SH3RF3: variants seen among roughly 807,000 people sequenced by gnomAD.
SH3RF3 encodes the protein SH3 domain containing ring finger 3.
SH3RF3 carries 29 observed loss-of-function variants against 66.3 expected under a neutral mutation model. That is an observed-to-expected ratio of 0.44 (90% CI 0.33 to 0.60). The LOEUF is 0.60. Among genes scored for constraint, SH3RF3 ranks in the 20% least tolerant of loss-of-function variants. The probability of loss-of-function intolerance (pLI) is 0.04; values close to 1 mark genes in which losing one functional copy is unlikely to be tolerated. For missense variants in SH3RF3, 1,194 were observed against 1,190.9 expected, an observed-to-expected ratio of 1.00 and a Z score of -0.04; for synonymous variants, 583 against 532.0, an observed-to-expected ratio of 1.10 and a Z score of -1.32.
intron 1 of SH3RF3, among the ~76,000 whole-genome samples, chr2:109,285,251 AG>A (rs1681005153): frequency 6.6e-6 from 1 of 152,230 alleles, no homozygotes; most frequent in Admixed American, 6.5e-5. Flanking sequence ...AGATCCACTC[AG>A]TGTGAAGGGC....
intron 5 of SH3RF3, among the ~76,000 whole-genome samples, chr2:109,424,015 G>A (rs566135203): frequency 5.3e-4 from 81 of 152,324 alleles, no homozygotes; most frequent in Middle Eastern, 6.8e-3. Flanking sequence ...CTGCAGGGCC[G>A]GTTGCAGTGG....
At chr2:109,204,354 G>C (rs56660819) in intron 1 of SH3RF3, among the ~76,000 whole-genome samples, 64,037 of 152,058 alleles carry the variant, frequency 0.42, 15,590 homozygotes, top group East Asian at 0.8. Flanking sequence ...GAGTTAGCAG[G>C]AATCTCCTTA....
chr2:109,348,979 TC>T (rs1682781983), intron 2 of SH3RF3, among the ~76,000 whole-genome samples: 2 of 152,222 alleles, frequency 1.3e-5, no homozygotes, highest in South Asian at 4.1e-4. Context: ...TTCTCTCTCC[TC>T]ACTCGTTCTG....
chr2:109,459,845 G>A (rs977486166), intron 8 of SH3RF3, among the ~76,000 whole-genome samples: 2 of 152,172 alleles, frequency 1.3e-5, no homozygotes, highest in Admixed American at 1.3e-4. Context: ...GTTACTAGGG[G>A]TCATAATAAG....
intron 1 of SH3RF3, among the ~76,000 whole-genome samples, chr2:109,338,432 C>T (rs1055143538): frequency 6.2e-5 from 9 of 145,946 alleles, no homozygotes; most frequent in African/African-American, 2.3e-4. Flanking sequence ...CTTAGGGAAA[C>T]TTTTTTTTTT....
At chr2:109,401,212 C>G (rs913008947) in intron 4 of SH3RF3, among the ~76,000 whole-genome samples, 3 of 152,250 alleles carry the variant, frequency 2.0e-5, no homozygotes, top group Non-Finnish European at 4.4e-5. Flanking sequence ...TGGCCCAGAG[C>G]TGGGGTCCCT....
At chr2:109,334,316 C>G (rs1466137212) in intron 1 of SH3RF3, among the ~76,000 whole-genome samples, 1 of 145,306 alleles carries the variant, frequency 6.9e-6, no homozygotes, top group Non-Finnish European at 1.5e-5. Flanking sequence ...CATGATCACA[C>G]CACTCGACTT....
At chr2:109,453,713 CAGAGTAT>C (rs1331497096) in intron 8 of SH3RF3, among the ~76,000 whole-genome samples, 1 of 152,202 alleles carries the variant, frequency 6.6e-6, no homozygotes, top group Admixed American at 6.5e-5. Flanking sequence ...CTGGAGGAGC[CAGAGTAT>C]AGTACAGGTC....
chr2:109,215,335 A>C (rs1021153043), intron 1 of SH3RF3, among the ~76,000 whole-genome samples: 2 of 152,200 alleles, frequency 1.3e-5, no homozygotes, highest in Non-Finnish European at 2.9e-5. Flanking sequence ...GATTAAAATC[A>C]GGAGAGTTGA....
intron 4 of SH3RF3, among the ~76,000 whole-genome samples, chr2:109,403,323 T>G (rs1336232927): frequency 6.6e-6 from 1 of 152,160 alleles, no homozygotes; most frequent in South Asian, 2.1e-4. Context: ...TCTCACCTCC[T>G]CTGTCCTGGC....
intron 3 of SH3RF3, among the ~76,000 whole-genome samples, chr2:109,375,324 G>A (rs1683355961): frequency 6.6e-6 from 1 of 152,148 alleles, no homozygotes; most frequent in Non-Finnish European, 1.5e-5. Flanking sequence ...ACTCTCCTGC[G>A]GCCGTCCCCA....
chr2:109,396,862 G>C (rs913019563), intron 3 of SH3RF3, among the ~76,000 whole-genome samples: 1 of 152,246 alleles, frequency 6.6e-6, no homozygotes, highest in Non-Finnish European at 1.5e-5. Flanking sequence ...CGGCTCACAT[G>C]GTCCTTCACT....
intron 2 of SH3RF3, among the ~76,000 whole-genome samples, chr2:109,365,691 T>C (rs1410262106): frequency 1.3e-5 from 2 of 152,194 alleles, no homozygotes; most frequent in African/African-American, 4.8e-5. Context: ...CAGACACTGT[T>C]TTATTTCATT....
At chr2:109,410,303 A>G (rs1174126751) in intron 4 of SH3RF3, among the ~76,000 whole-genome samples, 1 of 152,220 alleles carries the variant, frequency 6.6e-6, no homozygotes, top group African/African-American at 2.4e-5. Context: ...GCTGTGTGCC[A>G]TTCACCTGTG....
rs1358955115 is a variant in SH3RF3 at position 109,129,229 on chromosome 2, C to A, written c.-312C>A. The A allele has an allele frequency of 1.1e-5, 6 of 552,446 alleles. No homozygotes were observed. Among genetic ancestry groups the A allele is most frequent in the Non-Finnish European group, 1.3e-5 (4 of 303,586 alleles). 34.2% of individuals were successfully genotyped at this position (552,446 alleles called of 1,614,324 possible). A position where few individuals can be genotyped will look rare whatever the true frequency, so the allele number is the denominator to read the frequency against. ...CACAGAACCCGTTGAGCTTCGTGCC[C>A]GGCAGCACCCCCGGTCCCCCGCGCG... On this transcript the variant is annotated 5_prime_UTR_variant, in exon 1 of 10. Transcript: ENST00000309415.
At chr2:109,155,638 G>A (rs1392005080) in intron 1 of SH3RF3, among the ~76,000 whole-genome samples, 1 of 152,140 alleles carries the variant, frequency 6.6e-6, no homozygotes, top group Non-Finnish European at 1.5e-5. Context: ...GGCTATTTGT[G>A]ATTTATTTCA....
At chr2:109,365,212 C>T (rs1434841004) in intron 2 of SH3RF3, among the ~76,000 whole-genome samples, 1 of 152,186 alleles carries the variant, frequency 6.6e-6, no homozygotes, top group South Asian at 2.1e-4. Flanking sequence ...GGATTTTTCT[C>T]TGATATTCAC....
In SH3RF3 at chr2:109,202,136, T is replaced by C. The variant is rs189434142; in HGVS notation, c.573+72023T>C. Among the ~76,000 whole-genome samples the C allele has an allele frequency of 1.4e-3, 220 of 152,206 alleles. 1 individual carries two copies. Among genetic ancestry groups the C allele is most frequent in the African/African-American group, 4.5e-3 (185 of 41,552 alleles). On this transcript the variant is annotated intron_variant, in intron 1 of 9. Coordinates refer to ENST00000309415, the MANE Select transcript of SH3RF3 (RefSeq NM_001099289.3). ...ACTTTCTCATCTTGACAGATCAGCATATGGACGCACTTACAGCTTGTAGAT... is the reference window on the plus strand; with the variant it reads ...ACTTTCTCATCTTGACAGATCAGCACATGGACGCACTTACAGCTTGTAGAT...
rs544070447 is a variant in SH3RF3 at position 109,412,630 on chromosome 2, G to C, written c.1300-6909G>C. 3.9e-5 allele frequency among the ~76,000 whole-genome samples: 6 copies of C among 152,370 alleles called. No individual in the cohort carries two copies. In the South Asian group the frequency reaches 1.2e-3, roughly 32 times the overall value. On this transcript the variant is annotated intron_variant, in intron 4 of 9. Transcript: ENST00000309415. ...TCAGCTCCCAGGATCCCCTGACAAA[G>C]ATGGCACATGGGGGATCGAGAAAGA...
Sources: allele counts gnomAD v4.1 joint callset (sites outside exome capture counted in the v4.1 genomes callset), GRCh38; gene constraint gnomAD v4.1.1; transcripts MANE v1.5; gene names NCBI Gene and HGNC (gene_info 2026-07-23, HGNC 2026-07-21).